Variants in SPAG16 observed in about 807,000 individuals in gnomAD.
The protein encoded by SPAG16 is sperm-associated antigen 16 protein.
A neutral mutation model predicts 80.4 loss-of-function variants in SPAG16; 86 were observed. The ratio of observed to expected loss-of-function variants is 1.07; its 90% confidence interval spans 0.90 to 1.28. The LOEUF is 1.28. Among genes scored for constraint, SPAG16 ranks in the 50% most tolerant of loss-of-function variants. SPAG16 has a pLI of 0.00. For synonymous variants in SPAG16, 294 were observed against 265.9 expected (o/e 1.11, Z -1.03); for missense variants, 870 against 765.3 (o/e 1.14, Z -1.61).
chr2:213,896,491 C>T (rs6714235), intron 11 of SPAG16, among the ~76,000 whole-genome samples: 88,437 of 150,268 alleles, frequency 0.59, 27,852 homozygotes, highest in South Asian at 0.84. Flanking sequence ...ATTACACTCT[C>T]ATGTTTACTG....
Position 213,310,193 on chromosome 2 carries a change from G to C in SPAG16, c.398+16G>C. 6.7e-7 allele frequency: 1 copy of C among 1,489,730 alleles called. No individual in the cohort carries two copies. Among genetic ancestry groups the C allele is most frequent in the Non-Finnish European group, 9.3e-7 (1 of 1,075,852 alleles). The allele number at this position is 1,489,730 out of a possible 1,614,324, so 92.3% of individuals were successfully genotyped here. On this transcript the variant is annotated intron_variant, in intron 4 of 15. Transcript: ENST00000331683. Reference sequence around the variant, plus strand: ...AGTCTGAATGGTAAACAATTATGTAGATAAATAGTTCTCTTAAAATTCTAA... The same window carrying C: ...AGTCTGAATGGTAAACAATTATGTACATAAATAGTTCTCTTAAAATTCTAA...
intron 15 of SPAG16, among the ~76,000 whole-genome samples, chr2:214,271,793 T>C (rs1248144664): frequency 6.7e-6 from 1 of 150,324 alleles, no homozygotes; most frequent in Non-Finnish European, 1.5e-5. Context: ...AGAGTGAAAC[T>C]ATGTCTCAGA....
intron 13 of SPAG16, among the ~76,000 whole-genome samples, chr2:214,067,468 A>G (rs1220545805): frequency 1.3e-5 from 2 of 152,160 alleles, no homozygotes; most frequent in African/African-American, 4.8e-5. Flanking sequence ...GCATAAAGCC[A>G]AAATATGTGG....
chr2:213,602,628 GT>G (rs1461590865), intron 10 of SPAG16, among the ~76,000 whole-genome samples: 1 of 152,178 alleles, frequency 6.6e-6, no homozygotes, highest in Admixed American at 6.5e-5. Flanking sequence ...GCGAGACTCC[GT>G]CTCACAAAAC....
chr2:214,136,774 G>A (rs2125519360), intron 14 of SPAG16, among the ~76,000 whole-genome samples: 2 of 152,272 alleles, frequency 1.3e-5, no homozygotes, highest in African/African-American at 2.4e-5. Flanking sequence ...GGTGTAATGA[G>A]CTATTGCTTA....
At chr2:213,591,376 T>C (rs2060683736) in intron 10 of SPAG16, among the ~76,000 whole-genome samples, 2 of 152,188 alleles carry the variant, frequency 1.3e-5, no homozygotes, top group South Asian at 4.1e-4. Flanking sequence ...CAATTAGTAG[T>C]AAGAATTATA....
At chr2:214,299,645 A>G (rs1010050652) in intron 15 of SPAG16, among the ~76,000 whole-genome samples, 3 of 152,224 alleles carry the variant, frequency 2.0e-5, no homozygotes, top group African/African-American at 7.2e-5. Context: ...TAATCTTTTT[A>G]TACATGGCCT....
chr2:213,471,907 T>C (rs540587939), intron 9 of SPAG16, among the ~76,000 whole-genome samples: 1 of 152,338 alleles, frequency 6.6e-6, no homozygotes, highest in East Asian at 1.9e-4. Flanking sequence ...TTAGAAGGAA[T>C]GTCTTGAAAG....
At chr2:213,645,687 G>A (rs1329727036) in intron 10 of SPAG16, among the ~76,000 whole-genome samples, 1 of 152,098 alleles carries the variant, frequency 6.6e-6, no homozygotes, top group African/African-American at 2.4e-5. Context: ...GGGGTCTCTT[G>A]GAGCTGGAAG....
chr2:214,021,328 A>G (rs2047855521), intron 13 of SPAG16, among the ~76,000 whole-genome samples: 1 of 152,196 alleles, frequency 6.6e-6, no homozygotes, highest in South Asian at 2.1e-4. Context: ...TGGGCAATGT[A>G]TGAAAGAATG....
chr2:213,396,929 C>T (rs1408375536), intron 9 of SPAG16, among the ~76,000 whole-genome samples: 1 of 152,048 alleles, frequency 6.6e-6, no homozygotes, highest in African/African-American at 2.4e-5. Flanking sequence ...CTTCTGACTC[C>T]CCAAACCCTT....
intron 15 of SPAG16, among the ~76,000 whole-genome samples, chr2:214,392,231 T>C (rs1265288158): frequency 6.6e-6 from 1 of 152,120 alleles, no homozygotes; most frequent in Non-Finnish European, 1.5e-5. Flanking sequence ...TGGCAGGCTC[T>C]TGGCTCACTA....
intron 10 of SPAG16, among the ~76,000 whole-genome samples, chr2:213,763,614 A>T (rs1416092490): frequency 6.6e-6 from 1 of 152,114 alleles, no homozygotes; most frequent in Non-Finnish European, 1.5e-5. Flanking sequence ...CATATAGTTA[A>T]CAATACTATA....
chr2:214,049,004 T>C (rs956935400), intron 13 of SPAG16, among the ~76,000 whole-genome samples: 4 of 143,378 alleles, frequency 2.8e-5, no homozygotes, highest in African/African-American at 7.5e-5. Context: ...TGTACAAGCA[T>C]AGCTGACTGC....
At chr2:214,101,295 CACA>C (rs1463438934) in intron 13 of SPAG16, among the ~76,000 whole-genome samples, 1 of 151,932 alleles carries the variant, frequency 6.6e-6, no homozygotes, top group Non-Finnish European at 1.5e-5. Context: ...CTCCAATTCT[CACA>C]ACATGTGTGT....
intron 1 of SPAG16, among the ~76,000 whole-genome samples, chr2:213,289,377 A>C (rs775491796): frequency 8.5e-5 from 13 of 152,228 alleles, no homozygotes; most frequent in Non-Finnish European, 1.6e-4. Flanking sequence ...TGAAGGTAGA[A>C]GATATGCAAC....
At chr2:214,041,835 A>G (rs566752176) in intron 13 of SPAG16, among the ~76,000 whole-genome samples, 7 of 151,180 alleles carry the variant, frequency 4.6e-5, no homozygotes, top group African/African-American at 1.7e-4. Context: ...TTTAAACAAA[A>G]CAATAACACC....
intron 12 of SPAG16, among the ~76,000 whole-genome samples, chr2:213,985,975 T>G (rs2045979974): frequency 6.6e-6 from 1 of 152,046 alleles, no homozygotes; most frequent in African/African-American, 2.4e-5. Flanking sequence ...TCTTTCTATA[T>G]GAAGGAATGA....
chr2:214,172,297 C>G (rs2056898266), intron 15 of SPAG16, among the ~76,000 whole-genome samples: 1 of 151,940 alleles, frequency 6.6e-6, no homozygotes, highest in African/African-American at 2.4e-5. Context: ...TTCCTGTGTC[C>G]ATGTGTTCTC....
Sources: gnomAD v4.1 joint callset for allele counts (sites outside exome capture counted in the v4.1 genomes callset) on GRCh38, gnomAD v4.1.1 for gene constraint, MANE v1.5 for transcripts, NCBI Gene and HGNC (gene_info 2026-07-23, HGNC 2026-07-21) for gene names.